Variants in CUL3 observed in about 807,000 individuals in gnomAD.
CUL3 encodes the protein cullin 3.
Under a neutral mutation model 89.1 loss-of-function variants are expected in CUL3, and 19 were observed. That is an observed-to-expected ratio of 0.21 (90% CI 0.15 to 0.31). The LOEUF is 0.31. Ranked by LOEUF, CUL3 falls within the 10% of genes least tolerant of loss-of-function variation. CUL3 has a pLI of 1.00. For synonymous variants in CUL3, 351 were observed against 308.4 expected (o/e 1.14, Z -1.45); for missense variants, 469 against 942.3 (o/e 0.50, Z 6.58).
chr2:224,534,707 GCA>G (rs1378247951), intron 3 of CUL3, among the ~76,000 whole-genome samples: 2 of 152,068 alleles, frequency 1.3e-5, no homozygotes, highest in Non-Finnish European at 2.9e-5. Flanking sequence ...TCATGGCCGG[GCA>G]CAGTGGCTCA....
intron 3 of CUL3, chr2:224,533,210 C>T (rs896022065): frequency 3.9e-5 from 6 of 152,172 alleles, no homozygotes; most frequent in African/African-American, 1.4e-4. Flanking sequence ...GTTCATGCAG[C>T]ACTGTGGTAC....
chr2:224,567,193 G>C (rs186655170), intron 1 of CUL3, among the ~76,000 whole-genome samples: 1 of 152,208 alleles, frequency 6.6e-6, no homozygotes, highest in East Asian at 1.9e-4. Flanking sequence ...ACACGAAGAT[G>C]ATTAGTCACA....
intron 1 of CUL3, among the ~76,000 whole-genome samples, chr2:224,561,160 T>C (rs1267975073): frequency 1.3e-5 from 2 of 152,324 alleles, no homozygotes; most frequent in South Asian, 2.1e-4. Context: ...AAATGTCAGC[T>C]TCATGAAGGC....
intron 2 of CUL3, among the ~76,000 whole-genome samples, chr2:224,546,100 A>C (rs1319491947): frequency 6.6e-6 from 1 of 152,164 alleles, no homozygotes; most frequent in African/African-American, 2.4e-5. Context: ...CACCACAGAA[A>C]AACACCACTA....
At chr2:224,526,827 A>T (rs1693499460) in intron 3 of CUL3, among the ~76,000 whole-genome samples, 1 of 151,972 alleles carries the variant, frequency 6.6e-6, no homozygotes, top group Non-Finnish European at 1.5e-5. Flanking sequence ...CAAAAAAAAA[A>T]AAAAAAGTTT....
Position 224,547,268 on chromosome 2 carries a change from A to G in CUL3, c.264+10391T>C, listed in dbSNP as rs572012918. The stretch of plus-strand genomic sequence containing the variant: ...TTCAAAATCTAGCCCAACCCACTTT[A>G]CTATCCTCATTTCCTACAAAAACAT... On this transcript the variant is annotated intron_variant, in intron 2 of 15. Coordinates refer to ENST00000264414, the MANE Select transcript of CUL3 (RefSeq NM_003590.5). 3.0e-4 allele frequency among the ~76,000 whole-genome samples: 45 copies of G among 152,266 alleles called. 2 individuals are homozygous for G. In the South Asian group the frequency reaches 9.1e-3, roughly 31 times the overall value.
chr2:224,514,571 C>T (rs767559976), intron 4 of CUL3, 41 bp downstream of exon 4: 1 of 1,527,404 alleles, frequency 6.5e-7, no homozygotes, highest in South Asian at 1.2e-5. Flanking sequence ...AAGATATAAT[C>T]ACTAAAACCA....
At chr2:224,566,558 C>G (rs1023191766) in intron 1 of CUL3, among the ~76,000 whole-genome samples, 4 of 152,176 alleles carry the variant, frequency 2.6e-5, no homozygotes, top group Non-Finnish European at 5.9e-5. Context: ...GATCCTTTGT[C>G]TCCAATGATT....
chr2:224,509,948 C>G (rs1692752578), intron 6 of CUL3, among the ~76,000 whole-genome samples: 1 of 152,126 alleles, frequency 6.6e-6, no homozygotes, highest in Non-Finnish European at 1.5e-5. Context: ...AGCTCATGAA[C>G]TAAGGATGGT....
chr2:224,577,657 T>C (rs1559245026), intron 1 of CUL3, among the ~76,000 whole-genome samples: 1 of 152,166 alleles, frequency 6.6e-6, no homozygotes, highest in Non-Finnish European at 1.5e-5. Flanking sequence ...TCAGTCTCTT[T>C]ACTTTTTAGT....
Position 224,472,060 on chromosome 2 carries a change from CAT to C in CUL3, c.*2183_*2184del. ...CTAAAATAATACTTATGCAGTCAAA[CAT>C]ATAAACATTTTGTGTGACCAGTTTT... On this transcript the variant is annotated 3_prime_UTR_variant, in exon 16 of 16. Transcript: ENST00000264414. 4.3e-6 allele frequency: 1 copy of C among 230,420 alleles called. No homozygotes were observed. The highest frequency in any genetic ancestry group is 1.3e-3 in the Middle Eastern group (1 of 760). The allele number at this position is 230,420 out of a possible 1,614,324, so 14.3% of individuals were successfully genotyped here.
intron 8 of CUL3, among the ~76,000 whole-genome samples, chr2:224,504,743 T>C (rs1055914674): frequency 3.3e-5 from 5 of 152,242 alleles, no homozygotes; most frequent in Admixed American, 3.3e-4. Context: ...TGTTCCCTTA[T>C]TGCAGCTACT....
At chr2:224,565,349 G>A (rs1695017726) in intron 1 of CUL3, among the ~76,000 whole-genome samples, 1 of 152,206 alleles carries the variant, frequency 6.6e-6, no homozygotes, top group Non-Finnish European at 1.5e-5. Flanking sequence ...AGGCTGAGGT[G>A]TAGGAGGAAG....
intron 1 of CUL3, among the ~76,000 whole-genome samples, chr2:224,573,254 G>A (rs891933904): frequency 6.6e-6 from 1 of 151,952 alleles, no homozygotes; most frequent in African/African-American, 2.4e-5. Flanking sequence ...ATCACTTTTT[G>A]CTAAGTATAT....
intron 1 of CUL3, among the ~76,000 whole-genome samples, 197 bp downstream of exon 1, chr2:224,584,747 G>C (rs1216868414): frequency 6.8e-6 from 1 of 146,616 alleles, no homozygotes; most frequent in Non-Finnish European, 1.5e-5. Flanking sequence ...TCCCGGCGCG[G>C]GGAACGGCCC....
In CUL3 at chr2:224,474,132, T is replaced by G. The variant is rs994049843; in HGVS notation, c.*113A>C. On this transcript the variant is annotated 3_prime_UTR_variant, in exon 16 of 16. Transcript: ENST00000264414. Reference sequence around the variant, plus strand: ...GGCTTGATCTCAATGGTCTAGAACATGTACTGTAATTTAATAGAAGAGATG... The same window carrying G: ...GGCTTGATCTCAATGGTCTAGAACAGGTACTGTAATTTAATAGAAGAGATG... 7 of 1,103,408 alleles carry G rather than the reference T, an allele frequency of 6.3e-6. No homozygotes were observed. In the South Asian group the frequency reaches 6.6e-5, roughly 10 times the overall value. 68.4% of individuals were successfully genotyped at this position (1,103,408 alleles called of 1,614,324 possible).
At chr2:224,476,401 A>G (rs1365441217) in intron 15 of CUL3, among the ~76,000 whole-genome samples, 1 of 152,132 alleles carries the variant, frequency 6.6e-6, no homozygotes, top group Non-Finnish European at 1.5e-5. Context: ...GTAGACTAAC[A>G]CAAATTTATA....
chr2:224,514,028 C>G (rs552685868), intron 4 of CUL3, among the ~76,000 whole-genome samples: 40 of 152,138 alleles, frequency 2.6e-4, no homozygotes, highest in Non-Finnish European at 4.4e-4. Context: ...TTGGACAATG[C>G]TGATCAAGCA....
chr2:224,516,306 C>CT (rs1314525165), intron 3 of CUL3, among the ~76,000 whole-genome samples: 1 of 147,992 alleles, frequency 6.8e-6, no homozygotes, highest in Non-Finnish European at 1.5e-5. Context: ...CACGTCCCTC[C>CT]TTTTTTGTTT....
Sources: allele counts gnomAD v4.1 joint callset (sites outside exome capture counted in the v4.1 genomes callset), GRCh38; gene constraint gnomAD v4.1.1; transcripts MANE v1.5; gene names NCBI Gene and HGNC (gene_info 2026-07-23, HGNC 2026-07-21).